Variants in CENPS observed in about 807,000 individuals in gnomAD.
CENPS encodes the protein FANCM associated histone fold protein 1.
In CENPS, 16 loss-of-function variants were observed where a neutral mutation model predicts 17.9. The observed-to-expected ratio is 0.90, with a 90% confidence interval of 0.61 to 1.36. The LOEUF (loss-of-function observed/expected upper bound fraction) is 1.36. Ranked by LOEUF, CENPS falls within the 40% of genes most tolerant of loss-of-function variation. The pLI is 0.00. For synonymous variants in CENPS, 49 were observed against 55.8 expected, an observed-to-expected ratio of 0.88 and a Z score of 0.54; for missense variants, 160 against 158.6, an observed-to-expected ratio of 1.01 and a Z score of -0.05.
Position 10,434,691 on chromosome 1 carries a change from G to A in CENPS, c.209+1G>A. The A allele has an allele frequency of 1.9e-6, 3 of 1,605,878 alleles. No homozygotes were observed. In the African/African-American group the frequency reaches 4.0e-5, roughly 22 times the overall value. ...CCAAAGACCTTGAAATGTTTGCAAG[G>A]TGGGTAGAGAACTTGATTATCCGAC... On this transcript the variant is annotated splice_donor_variant, in intron 3 of 4. Coordinates refer to ENST00000309048, the MANE Select transcript of CENPS (RefSeq NM_199294.3). LOFTEE classifies it high-confidence loss of function.
chr1:10,436,699 C>T (rs1440132438), intron 3 of CENPS, among the ~76,000 whole-genome samples: 1 of 125,796 alleles, frequency 7.9e-6, no homozygotes, highest in Non-Finnish European at 1.6e-5. Context: ...GAGTGAGACT[C>T]TGTCTCTTTA....
rs146938181 is a variant in CENPS at position 10,433,933 on chromosome 1, C to A, written c.143C>A (p.Ala48Glu). 3 of 1,614,168 alleles carry A rather than the reference C, an allele frequency of 1.9e-6. No individual in the cohort carries two copies. The highest frequency in any genetic ancestry group is 2.5e-6 in the Non-Finnish European group (3 of 1,180,036). The change falls in exon 2 of 5, where the codon GCG becomes GAG. Residue 48 changes from alanine (A) to glutamate (E), a missense_variant. Physicochemically the swap from Ala to Glu is moderately radical, Grantham distance 107. Coordinates refer to ENST00000309048, the MANE Select transcript of CENPS (RefSeq NM_199294.3). ...KEMQFSKQTI[A>E]AISELTFRQC... is the part of the protein sequence containing the mutation. ...ATGCAGTTCAGCAAACAGACCATTGCGGCCATTTCGGAGCTGACTTTCCGA... is the reference window on the plus strand; with the variant it reads ...ATGCAGTTCAGCAAACAGACCATTGAGGCCATTTCGGAGCTGACTTTCCGA...
intron 1 of CENPS, among the ~76,000 whole-genome samples, chr1:10,431,855 G>GGA (rs1553176632): frequency 0.056 from 6,699 of 118,736 alleles, 606 homozygotes; most frequent in African/African-American, 0.19. Context: ...CTCCATCTCA[G>GGA]AAAAAAAAAA....
At chr1:10,431,348 C>A in intron 1 of CENPS, 1 of 1,535,312 alleles carries the variant, frequency 6.5e-7, no homozygotes, top group Non-Finnish European at 8.7e-7. Context: ...AGCTGTCTAC[C>A]CTGCCCCTTG....
chr1:10,430,761 C>T, intron 1 of CENPS, 193 bp downstream of exon 1: 3 of 1,394,204 alleles, frequency 2.2e-6, no homozygotes, highest in Non-Finnish European at 2.8e-6. Context: ...CGGCTGGACC[C>T]TGGCCTGCGC....
intron 3 of CENPS, among the ~76,000 whole-genome samples, chr1:10,435,769 G>A (rs577731248): frequency 4.7e-5 from 7 of 148,980 alleles, no homozygotes; most frequent in East Asian, 3.9e-4. Context: ...GAGACACAGC[G>A]TCTTGGTATG....
intron 4 of CENPS, among the ~76,000 whole-genome samples, 192 bp from the exon 5 acceptor site, chr1:10,442,073 A>T (rs78013928): frequency 0.03 from 4,194 of 139,804 alleles, 186 homozygotes; most frequent in African/African-American, 0.097. Context: ...TCATATCTAC[A>T]AAAAATTTAA....
intron 1 of CENPS, chr1:10,430,859 C>T (rs1639876372): frequency 1.5e-6 from 2 of 1,316,600 alleles, no homozygotes; most frequent in Non-Finnish European, 9.6e-7. Flanking sequence ...GATGAATCCT[C>T]GGTTTCCCCT....
chr1:10,434,311 T>TTGG (rs1361911948), intron 2 of CENPS, among the ~76,000 whole-genome samples: 1 of 152,202 alleles, frequency 6.6e-6, no homozygotes, highest in Non-Finnish European at 1.5e-5. Context: ...GCTTGTAGCA[T>TTGG]TGGTATTTGC....
intron 4 of CENPS, among the ~76,000 whole-genome samples, chr1:10,441,563 C>T (rs1251695110): frequency 2.0e-5 from 3 of 151,046 alleles, no homozygotes; most frequent in Non-Finnish European, 4.4e-5. Flanking sequence ...ATCTGCTTGC[C>T]CTGGACTCCC....
chr1:10,439,609 G>A (rs1429717138), intron 3 of CENPS, among the ~76,000 whole-genome samples: 3 of 152,190 alleles, frequency 2.0e-5, no homozygotes, highest in African/African-American at 7.2e-5. Context: ...GGGCATGGTG[G>A]CGGGCGCCTG....
chr1:10,439,924 C>T (rs1326588943), intron 3 of CENPS, among the ~76,000 whole-genome samples: 1 of 152,094 alleles, frequency 6.6e-6, no homozygotes, highest in Non-Finnish European at 1.5e-5. Context: ...TGGAGGTTCT[C>T]TTTGTTCTTC....
At chr1:10,436,666 C>G (rs1416349835) in intron 3 of CENPS, among the ~76,000 whole-genome samples, 1 of 148,418 alleles carries the variant, frequency 6.7e-6, no homozygotes, top group Admixed American at 6.8e-5. Context: ...AGATCGTGCC[C>G]CTTCACTCCA....
Position 10,430,881 on chromosome 1 carries a change from G to A in CENPS, c.51+313G>A, listed in dbSNP as rs554484639. 2.9e-5 allele frequency: 37 copies of A among 1,294,910 alleles called. 2 individuals are homozygous for A. In the East Asian group the frequency reaches 1.3e-3, roughly 45 times the overall value. 80.2% of individuals were successfully genotyped at this position (1,294,910 alleles called of 1,614,324 possible). ...CCTCGGTTTCCCCTTCTCAGATGGG[G>A]TTTTCGTGAGGGTACAACGTCGGCA... On this transcript the variant is annotated intron_variant, in intron 1 of 4. Coordinates refer to ENST00000309048, the MANE Select transcript of CENPS (RefSeq NM_199294.3).
intron 1 of CENPS, chr1:10,430,935 G>C: frequency 4.0e-6 from 5 of 1,250,950 alleles, no homozygotes; most frequent in Non-Finnish European, 5.0e-6. Context: ...GCCCGTACGC[G>C]GTGGGCGGTT....
chr1:10,439,722 C>T (rs2124283985), intron 3 of CENPS, among the ~76,000 whole-genome samples: 1 of 151,478 alleles, frequency 6.6e-6, no homozygotes, highest in East Asian at 1.9e-4. Flanking sequence ...GTCTGGGCGA[C>T]AGAACGAGAC....
chr1:10,439,251 G>A (rs1299467488), intron 3 of CENPS, among the ~76,000 whole-genome samples: 3 of 152,184 alleles, frequency 2.0e-5, no homozygotes, highest in Non-Finnish European at 4.4e-5. Context: ...AGTTATTAAG[G>A]ATGCAAAGAT....
intron 3 of CENPS, among the ~76,000 whole-genome samples, chr1:10,438,193 G>A (rs1640255536): frequency 3.9e-5 from 6 of 152,190 alleles, no homozygotes; most frequent in Admixed American, 3.9e-4. Context: ...CACCCAGGCT[G>A]GAGTGCAGTG....
chr1:10,436,957 G>A (rs1398793600), intron 3 of CENPS, among the ~76,000 whole-genome samples: 2 of 152,080 alleles, frequency 1.3e-5, no homozygotes, highest in East Asian at 3.9e-4. Flanking sequence ...TGATATTCCT[G>A]GAAGGTCAGC....
Sources: allele counts gnomAD v4.1 joint callset (sites outside exome capture counted in the v4.1 genomes callset), GRCh38; gene constraint gnomAD v4.1.1; transcripts MANE v1.5; gene names NCBI Gene and HGNC (gene_info 2026-07-23, HGNC 2026-07-21).